The following SLC16A12 variants were observed in gnomAD, a reference collection of about 807,000 sequenced individuals.
SLC16A12 encodes monocarboxylate transporter 12.
SLC16A12 carries 17 observed loss-of-function variants against 42.4 expected under a neutral mutation model. That is an observed-to-expected ratio of 0.40 (90% confidence interval 0.27 to 0.60). SLC16A12 has a LOEUF of 0.60. SLC16A12 is among the 20% of genes least tolerant of loss of function. The pLI, the probability that SLC16A12 is intolerant of heterozygous loss-of-function variation, is 0.42. For synonymous variants in SLC16A12, 224 were observed against 229.4 expected (o/e 0.98, Z 0.21); for missense variants, 544 against 623.0 (o/e 0.87, Z 1.35).
At chr10:89,452,748 G>A (rs1016179704) in intron 3 of SLC16A12, among the ~76,000 whole-genome samples, 6 of 152,230 alleles carry the variant, frequency 3.9e-5, no homozygotes, top group Non-Finnish European at 8.8e-5. Flanking sequence ...CTTGTAGAAG[G>A]AAAGGGAAGG....
intron 3 of SLC16A12, among the ~76,000 whole-genome samples, chr10:89,453,319 A>C (rs77881305): frequency 3.2e-3 from 488 of 152,330 alleles, no homozygotes; most frequent in Non-Finnish European, 6.0e-3. Context: ...CTAGTCTAAT[A>C]CTAAAAAGTT....
At chr10:89,449,446 T>C (rs1045798000) in intron 3 of SLC16A12, among the ~76,000 whole-genome samples, 3 of 152,258 alleles carry the variant, frequency 2.0e-5, no homozygotes, top group East Asian at 1.9e-4. Flanking sequence ...GCCTCAGAAA[T>C]GACACCACAC....
chr10:89,500,626 C>T (rs577511942), intron 2 of SLC16A12, among the ~76,000 whole-genome samples: 29 of 152,116 alleles, frequency 1.9e-4, no homozygotes, highest in South Asian at 4.1e-4. Context: ...TCAGCAAAAT[C>T]GGCATACAAG....
At chr10:89,543,874 G>A (rs73363844) in intron 2 of SLC16A12, among the ~76,000 whole-genome samples, 18,810 of 152,108 alleles carry the variant, frequency 0.12, 1,546 homozygotes, top group East Asian at 0.29. Flanking sequence ...TAGCACAATA[G>A]CTGAAGCCTA....
intron 3 of SLC16A12, among the ~76,000 whole-genome samples, chr10:89,455,115 G>A (rs529153104): frequency 1.3e-5 from 2 of 152,206 alleles, no homozygotes; most frequent in South Asian, 2.1e-4. Context: ...CATGTGGTTA[G>A]GTGAGGTAAA....
At chr10:89,550,340 GA>G (rs756267199) in intron 2 of SLC16A12, among the ~76,000 whole-genome samples, 13 of 152,188 alleles carry the variant, frequency 8.5e-5, no homozygotes, top group Non-Finnish European at 1.3e-4. Context: ...CCAACATGGT[GA>G]AACCCCGTCT....
At chr10:89,505,368 TC>T (rs1843045519) in intron 2 of SLC16A12, among the ~76,000 whole-genome samples, 1 of 151,610 alleles carries the variant, frequency 6.6e-6, no homozygotes, top group Admixed American at 6.6e-5. Flanking sequence ...TGAGCCGAGA[TC>T]ATGCCACTGC....
rs765732306 is a variant in SLC16A12 at position 89,462,364 on chromosome 10, G to C, written c.200+15C>G. Reference sequence around the variant, plus strand: ...CCAGGTCATCTTAATAAGTTAAGAAGAAAATCCTACCTACCTTGTGACTGC... The same window carrying C: ...CCAGGTCATCTTAATAAGTTAAGAACAAAATCCTACCTACCTTGTGACTGC... On this transcript the variant is annotated intron_variant, in intron 3 of 7. Coordinates refer to ENST00000371790, the MANE Select transcript of SLC16A12 (RefSeq NM_213606.4). The C allele has an allele frequency of 1.2e-6, 2 of 1,613,876 alleles. No individual in the cohort carries two copies. Among genetic ancestry groups the C allele is most frequent in the Non-Finnish European group, 1.7e-6 (2 of 1,179,896 alleles).
intron 2 of SLC16A12, among the ~76,000 whole-genome samples, chr10:89,503,041 T>C (rs1843010799): frequency 6.6e-6 from 1 of 152,192 alleles, no homozygotes; most frequent in Non-Finnish European, 1.5e-5. Context: ...AAGCACTTAG[T>C]TCATATCTCT....
intron 3 of SLC16A12, 62 bp from the exon 4 acceptor site, chr10:89,443,921 C>G (rs1841956861): frequency 9.1e-7 from 1 of 1,094,414 alleles, no homozygotes; most frequent in East Asian, 2.4e-5. Context: ...TGAGCCAGAA[C>G]TTAAAATGTT....
intron 2 of SLC16A12, among the ~76,000 whole-genome samples, chr10:89,552,457 A>C (rs1365045543): frequency 6.6e-6 from 1 of 152,164 alleles, no homozygotes; most frequent in African/African-American, 2.4e-5. Context: ...GGTAGCACTG[A>C]ATTAGATTTG....
At chr10:89,488,434 A>T (rs994976227) in intron 2 of SLC16A12, among the ~76,000 whole-genome samples, 3 of 152,198 alleles carry the variant, frequency 2.0e-5, no homozygotes, top group Non-Finnish European at 4.4e-5. Flanking sequence ...GCATGGTACC[A>T]CACCTTGCAC....
At chr10:89,493,680 G>A (rs1732542573) in intron 2 of SLC16A12, among the ~76,000 whole-genome samples, 1 of 152,150 alleles carries the variant, frequency 6.6e-6, no homozygotes, top group South Asian at 2.1e-4. Flanking sequence ...CCAGTCCATA[G>A]CTCCTCTTCC....
intron 2 of SLC16A12, among the ~76,000 whole-genome samples, chr10:89,548,941 T>G (rs1843755565): frequency 6.6e-6 from 1 of 152,120 alleles, no homozygotes; most frequent in African/African-American, 2.4e-5. Flanking sequence ...ATGCTGTCTT[T>G]CAAGAGAGGA....
chr10:89,443,086 A>C (rs1841939943), intron 4 of SLC16A12, among the ~76,000 whole-genome samples: 1 of 152,210 alleles, frequency 6.6e-6, no homozygotes, highest in Non-Finnish European at 1.5e-5. Flanking sequence ...ATGGAATGTT[A>C]ATTCCATACA....
chr10:89,464,205 G>A (rs980416204), intron 2 of SLC16A12, among the ~76,000 whole-genome samples: 10 of 151,994 alleles, frequency 6.6e-5, no homozygotes, highest in South Asian at 2.1e-4. Flanking sequence ...TTGCTTTTTC[G>A]CAAACATCCC....
At chr10:89,543,518 G>T (rs1239799007) in intron 2 of SLC16A12, among the ~76,000 whole-genome samples, 1 of 152,118 alleles carries the variant, frequency 6.6e-6, no homozygotes, top group Non-Finnish European at 1.5e-5. Context: ...GAGGCTAATT[G>T]AGATTTGTAC....
chr10:89,497,846 A>G lies in SLC16A12; in HGVS notation c.-46-35222T>C, dbSNP rs150290064. On this transcript the variant is annotated intron_variant, in intron 2 of 7. Coordinates refer to ENST00000371790, the MANE Select transcript of SLC16A12 (RefSeq NM_213606.4). ...CATTTCCTACTGAGGTCTCAGAGCTATATTTTATGTATGTATGTTACTATG... is the reference window on the plus strand; with the variant it reads ...CATTTCCTACTGAGGTCTCAGAGCTGTATTTTATGTATGTATGTTACTATG... Among the ~76,000 whole-genome samples the G allele has an allele frequency of 5.8e-3, 881 of 152,300 alleles. 6 individuals are homozygous for G. The highest frequency in any genetic ancestry group is 0.024 in the Middle Eastern group (7 of 294).
chr10:89,487,778 C>T (rs1842780335), intron 2 of SLC16A12, among the ~76,000 whole-genome samples: 1 of 143,338 alleles, frequency 7.0e-6, no homozygotes, highest in Non-Finnish European at 1.5e-5. Flanking sequence ...CGCCACTGCA[C>T]TCCAGCCTGG....
Sources: allele counts gnomAD v4.1 joint callset (sites outside exome capture counted in the v4.1 genomes callset), GRCh38; gene constraint gnomAD v4.1.1; transcripts MANE v1.5; gene names NCBI Gene and HGNC (gene_info 2026-07-23, HGNC 2026-07-21).